FANCA: variants seen among roughly 807,000 people sequenced by gnomAD.
The protein encoded by FANCA is FA complementation group A.
A neutral mutation model predicts 194.3 loss-of-function variants in FANCA; 236 were observed. The observed-to-expected ratio is 1.21, with a 90% CI of 1.09 to 1.35. The LOEUF is 1.35. Among genes scored for constraint, FANCA ranks in the 40% most tolerant of loss-of-function variants. FANCA has a pLI of 0.00. For synonymous variants in FANCA, 1,014 were observed against 715.8 expected (o/e 1.42, Z -6.65); for missense variants, 2,628 against 1,813.9 (o/e 1.45, Z -8.15).
chr16:89,765,025 C>G lies in FANCA; in HGVS notation c.2643G>C (p.Gln881His), dbSNP rs769524136. Residue 881 changes from glutamine to histidine, a missense_variant, in exon 28 of 43, where the codon CAG (glutamine) becomes CAC (histidine). Coordinates refer to ENST00000389301, the MANE Select transcript of FANCA (RefSeq NM_000135.4). ...LMFRLFSEAR[Q>H]PLSEEDVASL... ...TGGCTACGTCCTCCTCAGAAAGAGG[C>G]TGTCGGGCCTCTGAGAACAATCTGA... The G allele has an allele frequency of 1.9e-6, 3 of 1,614,158 alleles. No individual in the cohort carries two copies. In the African/African-American group the frequency reaches 4.0e-5, roughly 22 times the overall value.
intron 27 of FANCA, among the ~76,000 whole-genome samples, chr16:89,766,016 A>G (rs1023402725): frequency 5.0e-4 from 74 of 147,856 alleles, no homozygotes; most frequent in African/African-American, 1.6e-3. Context: ...TTTTTTTTTG[A>G]GGTGGAGTCT....
At chr16:89,806,555 AC>A (rs1167958932) in intron 6 of FANCA, among the ~76,000 whole-genome samples, 1 of 151,436 alleles carries the variant, frequency 6.6e-6, no homozygotes, top group Non-Finnish European at 1.5e-5. Context: ...ATGACTCTTA[AC>A]GAGCATGCTG....
intron 14 of FANCA, 43 bp downstream of exon 14, chr16:89,791,360 T>A (rs774910621): frequency 1.2e-6 from 2 of 1,608,890 alleles, no homozygotes; most frequent in Non-Finnish European, 1.7e-6. Flanking sequence ...CCAGGCCTTC[T>A]GGGAAGATCA....
chr16:89,810,046 G>A (rs1394459900), intron 5 of FANCA, among the ~76,000 whole-genome samples: 2 of 150,922 alleles, frequency 1.3e-5, no homozygotes, highest in Non-Finnish European at 2.9e-5. Context: ...ATAAATGCCA[G>A]GCGCGGTGGC....
intron 30 of FANCA, among the ~76,000 whole-genome samples, chr16:89,753,985 C>G (rs1271117484): frequency 6.6e-6 from 1 of 152,304 alleles, no homozygotes; most frequent in African/African-American, 2.4e-5. Context: ...ACCTGGAAGG[C>G]GGAGGTTGCA....
chr16:89,793,879 T>C (rs1356620527), intron 11 of FANCA, among the ~76,000 whole-genome samples: 9 of 152,040 alleles, frequency 5.9e-5, no homozygotes, highest in Admixed American at 5.9e-4. Flanking sequence ...GCCTCCCGAG[T>C]AGCTGGGACT....
Position 89,816,505 on chromosome 16 carries a change from G to A in FANCA, c.79+32C>T, listed in dbSNP as rs1309915877. On this transcript the variant is annotated intron_variant, in intron 1 of 42. Transcript: ENST00000389301. Reference sequence around the variant, plus strand: ...GCGAAACCGTCCCGGGCCGGACGCCGCCCACTCCCGCGGCCTGCCGCGCCC... The same window carrying A: ...GCGAAACCGTCCCGGGCCGGACGCCACCCACTCCCGCGGCCTGCCGCGCCC... 14 of 1,469,242 alleles carry A rather than the reference G, an allele frequency of 9.5e-6. No individual in the cohort carries two copies. The Admixed American group carries it at 1.4e-4, about 15-fold the overall frequency. 91.0% of individuals were successfully genotyped at this position (1,469,242 alleles called of 1,614,324 possible).
chr16:89,739,506 T>A lies in FANCA; in HGVS notation c.3982A>T (p.Thr1328Ser). ...TAAAAAGCGAAAGGCAGCAGCCTGG[T>A]GTGCTGATCCGGGGCCACACGGAGG... is the stretch of plus-strand genomic sequence containing the variant. ...LLLRVAPDQHTRLLPFAFYSL... is the reference protein window; with the variant it reads ...LLLRVAPDQHSRLLPFAFYSL... Residue 1328 changes from threonine to serine, a missense_variant, in exon 40 of 43, where the codon ACC (threonine) becomes TCC (serine). Transcript: ENST00000389301. 6.4e-7 allele frequency: 1 copy of A among 1,551,290 alleles called. No individual in the cohort carries two copies. The highest frequency in any genetic ancestry group is 8.7e-7 in the Non-Finnish European group (1 of 1,147,130).
chr16:89,791,898 A>T (rs768508381), intron 13 of FANCA, 29 bp downstream of exon 13: 5 of 1,613,692 alleles, frequency 3.1e-6, no homozygotes, highest in Non-Finnish European at 4.2e-6. Context: ...ACTCTTGACC[A>T]GCACCACCGG....
intron 27 of FANCA, among the ~76,000 whole-genome samples, 156 bp from the exon 28 acceptor site, chr16:89,765,222 G>T (rs12600047): frequency 6.2e-5 from 8 of 128,668 alleles, no homozygotes; most frequent in Non-Finnish European, 1.3e-4. Context: ...CGCAATACAC[G>T]ACCCCACGTT....
chr16:89,782,781 C>CTCAAGAG, intron 17 of FANCA, 78 bp downstream of exon 17: 1 of 1,339,562 alleles, frequency 7.5e-7, no homozygotes, highest in Admixed American at 1.7e-5. Flanking sequence ...AAAAACTCAA[C>CTCAAGAG]TCAAGAGTCA....
chr16:89,783,116 G>GCAGA lies in FANCA; in HGVS notation c.1471-18_1471-15dup. 1 of 1,590,082 alleles carries GCAGA rather than the reference G, an allele frequency of 6.3e-7. No individual in the cohort carries two copies. The highest frequency in any genetic ancestry group is 8.6e-7 in the Non-Finnish European group (1 of 1,158,872). The stretch of plus-strand genomic sequence containing the variant: ...GAGAATGTGCACCTGAGGATAGATA[G>GCAGA]CAGAGCGCAGCACCGTTAGTCTGGG... On this transcript the variant is annotated splice_polypyrimidine_tract_variant and intron_variant, in intron 15 of 42. Transcript: ENST00000389301.
chr16:89,744,333 C>T (rs1230893563), intron 36 of FANCA, among the ~76,000 whole-genome samples: 4 of 152,196 alleles, frequency 2.6e-5, no homozygotes, highest in Non-Finnish European at 5.9e-5. Flanking sequence ...CTCTGACGAC[C>T]CCTTAAGAAC....
At chr16:89,816,168 G>A (rs1328617941) in intron 1 of FANCA, 182 bp from the exon 2 acceptor site, 4 of 649,798 alleles carry the variant, frequency 6.2e-6, no homozygotes, top group Non-Finnish European at 1.1e-5. Context: ...CGCGGACGCC[G>A]GGGAAGACGG....
intron 5 of FANCA, among the ~76,000 whole-genome samples, chr16:89,808,657 A>G (rs1351042196): frequency 6.6e-6 from 1 of 151,996 alleles, no homozygotes; most frequent in Non-Finnish European, 1.5e-5. Flanking sequence ...CTTTCTCCAC[A>G]CTACAGCCAA....
Position 89,798,581 on chromosome 16 carries a change from C to T in FANCA, c.893+585G>A, listed in dbSNP as rs562024697. The T allele has an allele frequency of 7.0e-6, 8 of 1,145,850 alleles. No homozygotes were observed. The South Asian group carries it at 2.2e-4, about 31-fold the overall frequency. 71.0% of individuals were successfully genotyped at this position (1,145,850 alleles called of 1,614,324 possible). The stretch of plus-strand genomic sequence containing the variant: ...CTAGAGGGAAGCAAACCCCAGAGCC[C>T]CATTTCCACCAAACCCCGATGTCCA... On this transcript the variant is annotated intron_variant, in intron 10 of 42. Coordinates refer to ENST00000389301, the MANE Select transcript of FANCA (RefSeq NM_000135.4).
At chr16:89,809,616 G>A (rs559574515) in intron 5 of FANCA, among the ~76,000 whole-genome samples, 12 of 151,926 alleles carry the variant, frequency 7.9e-5, no homozygotes, top group Admixed American at 2.6e-4. Context: ...TTGGGAGGCC[G>A]AGGTGGGCAG....
chr16:89,769,414 A>T (rs2039243995), intron 26 of FANCA, among the ~76,000 whole-genome samples: 1 of 152,150 alleles, frequency 6.6e-6, no homozygotes, highest in South Asian at 2.1e-4. Context: ...ACATGGCCCC[A>T]TCTGCTGAGC....
chr16:89,770,467 G>A (rs1485293689), intron 24 of FANCA, 97 bp downstream of exon 24: 36 of 1,229,930 alleles, frequency 2.9e-5, no homozygotes, highest in Middle Eastern at 2.5e-4. Flanking sequence ...ATGCTCCTGC[G>A]GAGACGAGCT....
Sources: allele counts gnomAD v4.1 joint callset (sites outside exome capture counted in the v4.1 genomes callset), GRCh38; gene constraint gnomAD v4.1.1; transcripts MANE v1.5; gene names NCBI Gene and HGNC (gene_info 2026-07-23, HGNC 2026-07-21).